The following BLOC1S2 variants were observed in gnomAD, a reference collection of about 807,000 sequenced individuals.
BLOC1S2 encodes the protein biogenesis of lysosomal organelles complex 1 subunit 2, also known as biogenesis of lysosome-related organelles complex 1 subunit 2.
In BLOC1S2, 12 loss-of-function variants were observed where a neutral mutation model predicts 19.6. That is an observed-to-expected ratio of 0.61 (90% CI 0.39 to 0.99). The LOEUF (loss-of-function observed/expected upper bound fraction) is 0.99. Among genes scored for constraint, BLOC1S2 ranks in the 50% least tolerant of loss-of-function variants. The pLI is 0.00. For missense variants in BLOC1S2, 142 were observed against 171.0 expected (o/e 0.83, Z 0.95); for synonymous variants, 66 against 64.1 (o/e 1.03, Z -0.14).
intron 4 of BLOC1S2, among the ~76,000 whole-genome samples, chr10:100,277,866 C>T (rs1218200806): frequency 7.9e-5 from 10 of 125,916 alleles, no homozygotes; most frequent in African/African-American, 1.9e-4. Context: ...CCAGCCGCCC[C>T]GTCCGGGAGG....
chr10:100,284,045 A>T (rs58917242), intron 2 of BLOC1S2, among the ~76,000 whole-genome samples: 1 of 152,190 alleles, frequency 6.6e-6, no homozygotes, highest in African/African-American at 2.4e-5. Flanking sequence ...CAATCCTCTT[A>T]GCCCATCATT....
At chr10:100,277,303 C>G (rs1416602611) in intron 4 of BLOC1S2, among the ~76,000 whole-genome samples, 1 of 151,904 alleles carries the variant, frequency 6.6e-6, no homozygotes. Flanking sequence ...GCGTCTCCGC[C>G]CGGCAGCCAC....
At chr10:100,277,320 C>G (rs1025125884) in intron 4 of BLOC1S2, among the ~76,000 whole-genome samples, 8 of 151,106 alleles carry the variant, frequency 5.3e-5, no homozygotes, top group East Asian at 2.0e-4. Context: ...CCACCCCGGC[C>G]GGGAGGGAGG....
chr10:100,282,814 C>A, intron 2 of BLOC1S2: 1 of 398,192 alleles, frequency 2.5e-6, no homozygotes, highest in Non-Finnish European at 4.4e-6. Context: ...TATAATAAAT[C>A]ATTTGGAAAC....
intron 4 of BLOC1S2, 113 bp from the exon 5 acceptor site, chr10:100,275,606 A>G: frequency 1.1e-6 from 1 of 911,070 alleles, no homozygotes; most frequent in Non-Finnish European, 1.7e-6. Flanking sequence ...CTAAAAATCT[A>G]TTAGCTTCAA....
rs1564870940 is a variant in BLOC1S2 at position 100,276,328 on chromosome 10, T to TCTCC, written c.398-836_398-835insGGAG. Among the ~76,000 whole-genome samples, 39 of 36,210 alleles carry TCTCC rather than the reference T, an allele frequency of 1.1e-3. 3 individuals are homozygous for TCTCC. The highest frequency in any genetic ancestry group is 2.0e-3 in the African/African-American group (27 of 13,688). 23.8% of individuals were successfully genotyped at this position (36,210 alleles called of 152,430 possible). ...CATCTCCCTCTCCCGTCTCCCTCTC[T>TCTCC]CTCTCCCGTCTCCCTCTCCCGTCTC... On this transcript the variant is annotated intron_variant, in intron 4 of 4. Coordinates refer to ENST00000370372, the MANE Select transcript of BLOC1S2 (RefSeq NM_173809.5).
intron 1 of BLOC1S2, 41 bp downstream of exon 1, chr10:100,286,564 G>A (rs538653735): frequency 2.5e-6 from 4 of 1,610,352 alleles, no homozygotes; most frequent in Middle Eastern, 1.7e-4. Context: ...CGGAGCCCCA[G>A]GCCCCCCACC....
At chr10:100,285,423 G>A (rs1848210525) in intron 2 of BLOC1S2, among the ~76,000 whole-genome samples, 1 of 152,164 alleles carries the variant, frequency 6.6e-6, no homozygotes, top group East Asian at 1.9e-4. Flanking sequence ...CACCACGGCC[G>A]GCTAATTTTT....
chr10:100,275,625 T>C (rs753733304), intron 4 of BLOC1S2, 132 bp from the exon 5 acceptor site: 176 of 770,570 alleles, frequency 2.3e-4, no homozygotes, highest in Non-Finnish European at 3.2e-4. Context: ...AATCTCATCA[T>C]CTGTCCAAAT....
At position 100,286,156 on chromosome 10, in the gene BLOC1S2, G is replaced by A. The variant is rs776795501; in HGVS notation, c.113C>T (p.Thr38Ile). The A allele has an allele frequency of 6.2e-7, 1 of 1,614,114 alleles. No homozygotes were observed. The highest frequency in any genetic ancestry group is 1.1e-5 in the South Asian group (1 of 91,086). ...GGAGAACATGTCCCGGCAGAGCTCA[G>A]TGATGTCAGCTTCAGCAGGCTCCTT... ...EAKEPAEADI[T>I]ELCRDMFSKM... Residue 38 changes from threonine (T) to isoleucine (I), a missense_variant, in exon 2 of 5, where the codon ACT (threonine) becomes ATT (isoleucine). Thr to Ile is a moderately conservative substitution (Grantham distance 89). Transcript: ENST00000370372.
Position 100,274,929 on chromosome 10 carries a change from A to C in BLOC1S2, c.*533T>G. On this transcript the variant is annotated 3_prime_UTR_variant, in exon 5 of 5. Transcript: ENST00000370372. ...GAAGACTCAGCTTGGAATTATTTTA[A>C]GATTTTATGTTATTTGCAATATTAT... 2.5e-6 allele frequency: 1 copy of C among 398,666 alleles called. No homozygotes were observed. Among genetic ancestry groups the C allele is most frequent in the Non-Finnish European group, 4.4e-6 (1 of 226,074 alleles). 24.7% of individuals were successfully genotyped at this position (398,666 alleles called of 1,614,324 possible).
chr10:100,286,246 C>G, intron 1 of BLOC1S2, 33 bp from the exon 2 acceptor site: 1 of 1,608,542 alleles, frequency 6.2e-7, no homozygotes, highest in Non-Finnish European at 8.5e-7. Context: ...AGTGTCCCGC[C>G]TACACCCGGT....
At position 100,286,643 on chromosome 10, in the gene BLOC1S2, T is replaced by A. The variant is rs763792065; in HGVS notation, c.17A>T (p.Glu6Val). The A allele has an allele frequency of 6.2e-7, 1 of 1,609,930 alleles. No individual in the cohort carries two copies. The highest frequency in any genetic ancestry group is 1.1e-5 in the South Asian group (1 of 90,900). The change falls in exon 1 of 5, where the codon GAG (glutamate) becomes GTG (valine). Residue 6 changes from glutamate to valine, a missense_variant. This residue lies in a region of BLOC1S2 where 48 missense variants were observed against 29.7 expected (regional missense o/e 1.61). Transcript: ENST00000370372. MAAAA[E>V]GVLATRSDEP... Reference sequence around the variant, plus strand: ...ATCACTCCGGGTCGCCAGTACGCCCTCGGCTGCCGCCGCCATAGCGGACCC... The same window carrying A: ...ATCACTCCGGGTCGCCAGTACGCCCACGGCTGCCGCCGCCATAGCGGACCC...
intron 4 of BLOC1S2, among the ~76,000 whole-genome samples, chr10:100,279,249 C>T (rs1848035603): frequency 6.6e-6 from 1 of 152,190 alleles, no homozygotes; most frequent in African/African-American, 2.4e-5. Context: ...CCTCAACTGA[C>T]TATTCATTTA....
chr10:100,280,571 A>G (rs1848078216), intron 3 of BLOC1S2, among the ~76,000 whole-genome samples: 2 of 152,254 alleles, frequency 1.3e-5, no homozygotes, highest in Admixed American at 6.5e-5. Flanking sequence ...TAATAAGTCA[A>G]TGGAAAAAAT....
In BLOC1S2 at chr10:100,280,199, T is replaced by A; in HGVS notation, c.322A>T (p.Ile108Phe). The A allele has an allele frequency of 6.2e-7, 1 of 1,612,556 alleles. No individual in the cohort carries two copies. Among genetic ancestry groups the A allele is most frequent in the Middle Eastern group, 1.7e-4 (1 of 6,000 alleles). ...YAGLQPYLDQ[I>F]NVIEEQVAAL... ...GCTACCTGCTCTTCAATGACATTGATCTGATCCAGATAAGGCTGCAGTCCA... is the reference window on the plus strand; with the variant it reads ...GCTACCTGCTCTTCAATGACATTGAACTGATCCAGATAAGGCTGCAGTCCA... The change falls in exon 4 of 5, where the codon ATC becomes TTC. Residue 108 changes from isoleucine (I) to phenylalanine (F), a missense_variant. Ile to Phe is a conservative substitution (Grantham distance 21). Coordinates refer to ENST00000370372, the MANE Select transcript of BLOC1S2 (RefSeq NM_173809.5).
At chr10:100,280,383 T>A (rs1262740826) in intron 3 of BLOC1S2, among the ~76,000 whole-genome samples, 155 bp from the exon 4 acceptor site, 1 of 152,220 alleles carries the variant, frequency 6.6e-6, no homozygotes, top group Non-Finnish European at 1.5e-5. Context: ...GGCAGATGCT[T>A]TAGAAGACAG....
intron 2 of BLOC1S2, among the ~76,000 whole-genome samples, chr10:100,282,731 TA>T (rs977862246): frequency 6.6e-6 from 1 of 152,234 alleles, no homozygotes; most frequent in African/African-American, 2.4e-5. Flanking sequence ...AATTTACTCT[TA>T]AATTCAATAA....
Position 100,274,897 on chromosome 10 carries a change from C to A in BLOC1S2, c.*565G>T. 2.5e-6 allele frequency: 1 copy of A among 398,320 alleles called. No individual in the cohort carries two copies. The highest frequency in any genetic ancestry group is 1.3e-4 in the South Asian group (1 of 7,754). 24.7% of individuals were successfully genotyped at this position (398,320 alleles called of 1,614,324 possible). A position where few individuals can be genotyped will look rare whatever the true frequency, so the allele number is the denominator to read the frequency against. On this transcript the variant is annotated 3_prime_UTR_variant, in exon 5 of 5. Coordinates refer to ENST00000370372, the MANE Select transcript of BLOC1S2 (RefSeq NM_173809.5). The stretch of plus-strand genomic sequence containing the variant: ...CAATACTCCTTTCACCATTTCTGCT[C>A]AATCTAGAAGACTCAGCTTGGAATT...
Sources: gnomAD v4.1 joint callset for allele counts (sites outside exome capture counted in the v4.1 genomes callset) on GRCh38, gnomAD v4.1.1 for gene constraint, gnomAD v4.1.1 regional missense constraint, MANE v1.5 for transcripts, NCBI Gene and HGNC (gene_info 2026-07-23, HGNC 2026-07-21) for gene names.